The following GALNT15 variants were observed in gnomAD, a reference collection of about 807,000 sequenced individuals.
GALNT15 encodes the protein polypeptide N-acetylgalactosaminyltransferase 15, also known as UDP-GalNAc transferase T15.
A neutral mutation model predicts 66.8 loss-of-function variants in GALNT15; 67 were observed. The observed-to-expected ratio is 1.00, with a 90% CI of 0.82 to 1.23. The LOEUF (loss-of-function observed/expected upper bound fraction) is 1.23. Ranked by LOEUF, GALNT15 falls within the 50% of genes most tolerant of loss-of-function variation. The pLI is 0.00. For missense variants in GALNT15, 827 were observed against 804.3 expected, an observed-to-expected ratio of 1.03 and a Z score of -0.34; for synonymous variants, 313 against 311.5, an observed-to-expected ratio of 1.00 and a Z score of -0.05.
At chr3:16,243,682 C>T in the GALNT15 span, among the ~76,000 whole-genome samples, 2 of 152,204 alleles carry the variant, frequency 1.3e-5, no homozygotes, top group African/African-American at 4.8e-5. Flanking sequence ...GATTGGGAAG[C>T]ATGGTCTTGC....
At chr3:16,230,509 A>G (rs556547295), downstream of GALNT15, among the ~76,000 whole-genome samples, 1 of 152,318 alleles carries the variant, frequency 6.6e-6, no homozygotes, top group South Asian at 2.1e-4. The surrounding 1 kb of genome is among the most constrained non-coding windows in gnomAD (Gnocchi z 4.5). Context: ...GTTGGACACC[A>G]AGTGATCTGT....
chr3:16,237,137 T>A, the GALNT15 span, among the ~76,000 whole-genome samples: 1 of 152,334 alleles, frequency 6.6e-6, no homozygotes, highest in African/African-American at 2.4e-5. The surrounding 1 kb of genome is among the most constrained non-coding windows in gnomAD (Gnocchi z 4.2). Context: ...TCTGGTTATT[T>A]ATATAAACTC....
At position 16,187,321 on chromosome 3, in the gene GALNT15, T is replaced by A. The variant is rs908050822; in HGVS notation, c.540-8439T>A. 3.3e-5 allele frequency among the ~76,000 whole-genome samples: 5 copies of A among 152,204 alleles called. No individual in the cohort carries two copies. The highest frequency in any genetic ancestry group is 5.9e-5 in the Non-Finnish European group (4 of 68,040). Reference sequence around the variant, plus strand: ...ATTTCTATGTTATGGTTCTATAATTTGGACCGGACTCAGCCAGGCAGTTCT... The same window carrying A: ...ATTTCTATGTTATGGTTCTATAATTAGGACCGGACTCAGCCAGGCAGTTCT... On this transcript the variant is annotated intron_variant, in intron 1 of 9. Coordinates refer to ENST00000339732, the MANE Select transcript of GALNT15 (RefSeq NM_054110.5). This position sits in a 1 kb window ranked among gnomAD's most constrained non-coding sequence, Gnocchi z 5.1.
chr3:16,247,366 G>A, the GALNT15 span, among the ~76,000 whole-genome samples: 2 of 152,230 alleles, frequency 1.3e-5, no homozygotes, highest in Admixed American at 6.5e-5. Flanking sequence ...TACAGAAGGA[G>A]AAACTGTGGC....
At chr3:16,240,704 A>G in the GALNT15 span, among the ~76,000 whole-genome samples, 4 of 152,164 alleles carry the variant, frequency 2.6e-5, no homozygotes, top group African/African-American at 9.7e-5. Context: ...GACTCCAACC[A>G]TGAACCTCAG....
rs1276424439 is a variant in GALNT15, at chr3:16,195,412, T to C, written c.540-348T>C. Among the ~76,000 whole-genome samples the C allele has an allele frequency of 6.6e-6, 1 of 152,220 alleles. No homozygotes were observed. The highest frequency in any genetic ancestry group is 6.5e-5 in the Admixed American group (1 of 15,286). On this transcript the variant is annotated intron_variant, in intron 1 of 9. Transcript: ENST00000339732. This position sits in a 1 kb window ranked among gnomAD's most constrained non-coding sequence, Gnocchi z 4.6. ...TAAAAATCCCACCAGGTGATTCTGA[T>C]GCATGCTCAAGTGTGAGCGCTGTGA...
rs150334768 is a variant in GALNT15, at chr3:16,185,827, C to T, written c.540-9933C>T. Among the ~76,000 whole-genome samples the T allele has an allele frequency of 2.8e-4, 43 of 152,090 alleles. No homozygotes were observed. The East Asian group carries it at 4.8e-3, about 17-fold the overall frequency. ...TAGCAATATACTATCAGCTATTTGC[C>T]GTGTAACTTTAAACAGGTCATTTAA... On this transcript the variant is annotated intron_variant, in intron 1 of 9. Coordinates refer to ENST00000339732, the MANE Select transcript of GALNT15 (RefSeq NM_054110.5).
At chr3:16,197,902 T>TGGAGCA (rs1491225791) in intron 2 of GALNT15, among the ~76,000 whole-genome samples, 1 of 145,088 alleles carries the variant, frequency 6.9e-6, no homozygotes, top group African/African-American at 2.5e-5. Context: ...ACCATCGCAG[T>TGGAGCA]CTGGAAGTTC....
chr3:16,243,005 C>T, the GALNT15 span, among the ~76,000 whole-genome samples: 5 of 152,016 alleles, frequency 3.3e-5, no homozygotes, highest in African/African-American at 7.2e-5. Context: ...CAATGGGGTT[C>T]GATTCTTTCT....
At chr3:16,205,317 G>A (rs930564262) in intron 3 of GALNT15, among the ~76,000 whole-genome samples, 5 of 152,218 alleles carry the variant, frequency 3.3e-5, no homozygotes, top group African/African-American at 1.2e-4. Flanking sequence ...TGAGATAAAC[G>A]AGGGCTTATT....
chr3:16,237,385 A>G, the GALNT15 span, among the ~76,000 whole-genome samples: 2 of 152,186 alleles, frequency 1.3e-5, no homozygotes, highest in African/African-American at 4.8e-5. This position sits in a 1 kb window ranked among gnomAD's most constrained non-coding sequence, Gnocchi z 4.2. Flanking sequence ...GCCCCTTCAC[A>G]TGTCAGTATT....
Position 16,229,029 on chromosome 3 carries a change from T to C in GALNT15, c.*1529T>C, listed in dbSNP as rs1034588577. 2.0e-6 allele frequency: 2 copies of C among 985,422 alleles called. No individual in the cohort carries two copies. 61.0% of individuals were successfully genotyped at this position (985,422 alleles called of 1,614,324 possible). On this transcript the variant is annotated 3_prime_UTR_variant, in exon 10 of 10. Transcript: ENST00000339732. ...GGTTCTGCTATTTAATAAACAGCAT[T>C]CATATTCATTTTTCCCCAGATGGAG...
Position 16,191,902 on chromosome 3 carries a change from G to T in GALNT15, c.540-3858G>T, listed in dbSNP as rs1200307665. 1.3e-5 allele frequency among the ~76,000 whole-genome samples: 2 copies of T among 152,170 alleles called. No individual in the cohort carries two copies. Among genetic ancestry groups the T allele is most frequent in the Non-Finnish European group, 2.9e-5 (2 of 68,032 alleles). On this transcript the variant is annotated intron_variant, in intron 1 of 9. Transcript: ENST00000339732. This position sits in a 1 kb window ranked among gnomAD's most constrained non-coding sequence, Gnocchi z 5.2. Reference sequence around the variant, plus strand: ...AGTTGTTTAAAGATAGCTATAATTTGCAAAGATGATCATAAATATAACATT... The same window carrying T: ...AGTTGTTTAAAGATAGCTATAATTTTCAAAGATGATCATAAATATAACATT...
rs2063728327 is a variant in GALNT15, at chr3:16,203,681, C to T, written c.911+2858C>T. On this transcript the variant is annotated intron_variant, in intron 3 of 9. Transcript: ENST00000339732. This position sits in a 1 kb window ranked among gnomAD's most constrained non-coding sequence, Gnocchi z 6.2. The stretch of plus-strand genomic sequence containing the variant: ...TGTGACCACATTTTCATCATCTCTA[C>T]ACCTCATTCATGGCTTCTTGTCCAC... Among the ~76,000 whole-genome samples, 1 of 152,024 alleles carries T rather than the reference C, an allele frequency of 6.6e-6. No individual in the cohort carries two copies. The highest frequency in any genetic ancestry group is 1.5e-5 in the Non-Finnish European group (1 of 68,018).
chr3:16,246,890 T>C, the GALNT15 span, among the ~76,000 whole-genome samples: 2 of 152,218 alleles, frequency 1.3e-5, no homozygotes, highest in African/African-American at 2.4e-5. Flanking sequence ...GTGAGGCCTA[T>C]GGCTTGTAAT....
downstream of GALNT15, among the ~76,000 whole-genome samples, chr3:16,233,094 CT>C (rs61516679): frequency 3.4e-3 from 209 of 61,186 alleles, 7 homozygotes; most frequent in South Asian, 0.047. Flanking sequence ...GATAATGCAT[CT>C]TTTTTTTTTT....
chr3:16,232,508 A>ATATTTATT (rs1351698318), downstream of GALNT15, among the ~76,000 whole-genome samples: 1 of 78,630 alleles, frequency 1.3e-5, no homozygotes, highest in African/African-American at 6.1e-5. Flanking sequence ...ATATATATAT[A>ATATTTATT]TATTTATTTA....
In GALNT15 at chr3:16,195,747, C is replaced by T. The variant is rs144582000; in HGVS notation, c.540-13C>T. On this transcript the variant is annotated splice_polypyrimidine_tract_variant and intron_variant, in intron 1 of 9. Coordinates refer to ENST00000339732, the MANE Select transcript of GALNT15 (RefSeq NM_054110.5). The surrounding 1 kb of genome is among the most constrained non-coding windows in gnomAD (Gnocchi z 4.6). The stretch of plus-strand genomic sequence containing the variant: ...TTCTCTTCCCCATGGCTCTCTGGCT[C>T]TCTTCCCTGCAGGTGTCTGCAGCAG... 1.9e-5 allele frequency: 30 copies of T among 1,602,992 alleles called. No individual in the cohort carries two copies. The highest frequency in any genetic ancestry group is 2.7e-5 in the African/African-American group (2 of 74,690).
downstream of GALNT15, among the ~76,000 whole-genome samples, chr3:16,232,887 C>T (rs747277449): frequency 2.3e-4 from 35 of 151,856 alleles, no homozygotes; most frequent in Non-Finnish European, 4.1e-4. Context: ...TTCCTGCAAG[C>T]TCCTAGGCAA....
Sources: allele counts gnomAD v4.1 joint callset (sites outside exome capture counted in the v4.1 genomes callset), GRCh38; gene constraint gnomAD v4.1.1; non-coding constraint Gnocchi (gnomAD v3.1); transcripts MANE v1.5; gene names NCBI Gene and HGNC (gene_info 2026-07-23, HGNC 2026-07-21).